Variants in KIF1A observed in about 807,000 individuals in gnomAD.
KIF1A encodes the protein kinesin family member 1A, also known as kinesin-like protein KIF1A.
KIF1A carries 46 observed loss-of-function variants against 227.3 expected under a neutral mutation model. The observed-to-expected ratio is 0.20, with a 90% CI of 0.16 to 0.26. The LOEUF (loss-of-function observed/expected upper bound fraction) is 0.26. Among genes scored for constraint, KIF1A ranks in the 10% least tolerant of loss-of-function variants. The pLI, the probability that KIF1A is intolerant of heterozygous loss-of-function variation, is 1.00. For synonymous variants in KIF1A, 1,022 were observed against 1,012.8 expected (o/e 1.01, Z -0.17); for missense variants, 1,683 against 2,485.9 (o/e 0.68, Z 6.87).
At position 240,788,561 on chromosome 2, in the gene KIF1A, C is replaced by A. The variant is rs1347221285; in HGVS notation, c.184-331G>T. On this transcript the variant is annotated intron_variant, in intron 3 of 48. Coordinates refer to ENST00000498729, the MANE Select transcript of KIF1A (RefSeq NM_001244008.2). This position sits in a 1 kb window ranked among gnomAD's most constrained non-coding sequence, Gnocchi z 6.6. ...CCGTGACAAGCAGGGGTGACAAGAG[C>A]TGAGACTGGGGACAGGGTGCAAAGG... Among the ~76,000 whole-genome samples the A allele has an allele frequency of 6.6e-6, 1 of 152,084 alleles. No homozygotes were observed.
chr2:240,773,904 C>T (rs1043567242), intron 12 of KIF1A, among the ~76,000 whole-genome samples: 4 of 152,194 alleles, frequency 2.6e-5, no homozygotes, highest in African/African-American at 7.2e-5. Flanking sequence ...GTGTAAACTG[C>T]TTCGCCCAGC....
chr2:240,745,306 G>A (rs749892491), intron 32 of KIF1A, 121 bp downstream of exon 32: 54 of 800,672 alleles, frequency 6.7e-5, no homozygotes, highest in Middle Eastern at 2.5e-4. Flanking sequence ...TGGAGTTCCC[G>A]GTGCACAAGG....
intron 44 of KIF1A, 121 bp from the exon 45 acceptor site, chr2:240,721,159 A>G: frequency 7.6e-7 from 1 of 1,310,070 alleles, no homozygotes. Flanking sequence ...CACCCCTCCT[A>G]CCAGCAGCCT....
Position 240,719,192 on chromosome 2 carries a change from G to T in KIF1A, c.5028C>A (p.Ile1676=), listed in dbSNP as rs369233025. 19 of 1,604,280 alleles carry T rather than the reference G, an allele frequency of 1.2e-5. No homozygotes were observed. Among genetic ancestry groups the T allele is most frequent in the Non-Finnish European group, 1.6e-5 (19 of 1,175,084 alleles). ...AGTGCAGGTACCCCTTCTTGGAAAC[G>T]ATCGGGCTGAAGGCAGAGAGAGCTG... ...PDIQEIRVSP[I]VSKKGYLHFL... Residue 1676 remains isoleucine, a synonymous_variant, in exon 47 of 49, where the codon ATC becomes ATA. Transcript: ENST00000498729.
intron 1 of KIF1A, among the ~76,000 whole-genome samples, chr2:240,819,799 G>A (rs1435888752): frequency 6.6e-6 from 1 of 152,218 alleles, no homozygotes; most frequent in South Asian, 2.1e-4. Context: ...CGCCGGCCGG[G>A]CGAGCCCTCC....
rs745640373 is a variant in KIF1A at position 240,747,277 on chromosome 2, C to T, written c.3022G>A (p.Gly1008Arg). ...TCATCAAAGGAGATTTTAGCAGTTCCCGACTGGCGGACGCCAGAGCCATAA... is the reference window on the plus strand; with the variant it reads ...TCATCAAAGGAGATTTTAGCAGTTCTCGACTGGCGGACGCCAGAGCCATAA... ...PDYGSGVRQSGTAKISFDDQH... is the reference protein window; with the variant it reads ...PDYGSGVRQSRTAKISFDDQH... Residue 1008 changes from glycine (G) to arginine (R), a missense_variant, in exon 29 of 49, where the codon GGA (glycine) becomes AGA (arginine). Physicochemically the swap from Gly to Arg is moderately radical, Grantham distance 125 (BLOSUM62 -2). Coordinates refer to ENST00000498729, the MANE Select transcript of KIF1A (RefSeq NM_001244008.2). 1 of 1,613,568 alleles carries T rather than the reference C, an allele frequency of 6.2e-7. No individual in the cohort carries two copies. Among genetic ancestry groups the T allele is most frequent in the African/African-American group, 1.3e-5 (1 of 75,022 alleles).
At chr2:240,760,981 C>A in intron 24 of KIF1A, 138 bp from the exon 25 acceptor site, 1 of 940,260 alleles carries the variant, frequency 1.1e-6, no homozygotes. Flanking sequence ...CAGACAGCCG[C>A]CAGGGGGGAC....
intron 2 of KIF1A, among the ~76,000 whole-genome samples, chr2:240,795,130 G>A (rs560741652): frequency 6.6e-6 from 1 of 152,158 alleles, no homozygotes; most frequent in Non-Finnish European, 1.5e-5. Flanking sequence ...AGAAGGGGAG[G>A]TTCCTTCAGG....
chr2:240,724,182 C>T (rs1268180810), intron 40 of KIF1A, 146 bp from the exon 41 acceptor site: 1 of 727,058 alleles, frequency 1.4e-6, no homozygotes, highest in Non-Finnish European at 2.5e-6. Flanking sequence ...AGCTACAGCC[C>T]CTGTTCAGAG....
intron 19 of KIF1A, 85 bp from the exon 20 acceptor site, chr2:240,765,878 GGCCTCTTCCAAGCCTCTC>G: frequency 1.1e-6 from 1 of 940,158 alleles, no homozygotes; most frequent in Non-Finnish European, 1.7e-6. Flanking sequence ...CCCCGGGCAT[GGCCTCTTCCAAGCCTCTC>G]GCCTCTCTTT....
At position 240,778,003 on chromosome 2, in the gene KIF1A, G is replaced by A. The variant is rs144517648; in HGVS notation, c.883-2077C>T. On this transcript the variant is annotated intron_variant, in intron 10 of 48. Transcript: ENST00000498729. The surrounding 1 kb of genome is among the most constrained non-coding windows in gnomAD (Gnocchi z 7.2). ...CTCAGTCCCTCAAGGAGCTCTCGCCGTTCCCCGCACGGTTCCCACGCGGCT... is the reference window on the plus strand; with the variant it reads ...CTCAGTCCCTCAAGGAGCTCTCGCCATTCCCCGCACGGTTCCCACGCGGCT... 8.4e-4 allele frequency among the ~76,000 whole-genome samples: 128 copies of A among 152,220 alleles called. No homozygotes were observed. Among genetic ancestry groups the A allele is most frequent in the Admixed American group, 2.4e-3 (36 of 15,300 alleles).
Position 240,746,168 on chromosome 2 carries a change from C to G in KIF1A, c.3073G>C (p.Glu1025Gln). 6.4e-7 allele frequency: 1 copy of G among 1,563,104 alleles called. No homozygotes were observed. The change falls in exon 30 of 49, where the codon GAG becomes CAG. Residue 1025 changes from glutamate (E) to glutamine (Q), a missense_variant. By Grantham distance (29) the Glu-to-Gln change is conservative (BLOSUM62 2). This residue lies in a region of KIF1A where 759 missense variants were observed against 1,020.2 expected (regional missense o/e 0.74). Coordinates refer to ENST00000498729, the MANE Select transcript of KIF1A (RefSeq NM_001244008.2). ...DDQHFEKFQS[E>Q]SCPVVGMSRS... ...GACATCCCCACCACGGGGCAAGACT[C>G]GGACTGGAACTGATCAGAGGGGGAC...
chr2:240,718,974 G>C (rs2044917386), intron 47 of KIF1A, 32 bp downstream of exon 47: 2 of 1,563,716 alleles, frequency 1.3e-6, no homozygotes, highest in East Asian at 4.5e-5. Flanking sequence ...TAGGGTTCCT[G>C]GTGCCCGAGC....
At chr2:240,800,485 G>T (rs920532357) in intron 1 of KIF1A, among the ~76,000 whole-genome samples, 10 of 152,174 alleles carry the variant, frequency 6.6e-5, no homozygotes, top group East Asian at 3.9e-4. Flanking sequence ...GCTGGCCTCC[G>T]CAGCACAGCC....
rs377722824 is a variant in KIF1A, at chr2:240,783,033, G to C, written c.864+11C>G. ...GGGTTCTGGCTATGGAAGCCGGGCCGGGCCACTCACCATTTCAGCCAGGGC... is the reference window on the plus strand; with the variant it reads ...GGGTTCTGGCTATGGAAGCCGGGCCCGGCCACTCACCATTTCAGCCAGGGC... On this transcript the variant is annotated intron_variant, in intron 9 of 48. Coordinates refer to ENST00000498729, the MANE Select transcript of KIF1A (RefSeq NM_001244008.2). 6.2e-7 allele frequency: 1 copy of C among 1,609,774 alleles called. No homozygotes were observed. Among genetic ancestry groups the C allele is most frequent in the Non-Finnish European group, 8.5e-7 (1 of 1,176,456 alleles).
chr2:240,794,760 G>A (rs1024795202), intron 2 of KIF1A, among the ~76,000 whole-genome samples: 3 of 152,214 alleles, frequency 2.0e-5, no homozygotes, highest in Non-Finnish European at 4.4e-5. Context: ...TCCCCAGCAA[G>A]CGGCCTGGGT....
Position 240,721,003 on chromosome 2 carries a change from C to G in KIF1A, c.4779G>C (p.Pro1593=). ...SEMSVTLLRD[P]SMSPLGVATL... is the part of the protein sequence containing the mutation. ...TGGCCACCCCTAGAGGGGACATCGACGGGTCCCGGAGCAGGGTGACAGACA... is the reference window on the plus strand; with the variant it reads ...TGGCCACCCCTAGAGGGGACATCGAGGGGTCCCGGAGCAGGGTGACAGACA... The change falls in exon 45 of 49, where the codon CCG becomes CCC. Residue 1593 remains proline, a synonymous_variant. Transcript: ENST00000498729. 6.2e-7 allele frequency: 1 copy of G among 1,610,952 alleles called. No homozygotes were observed. Among genetic ancestry groups the G allele is most frequent in the Non-Finnish European group, 8.5e-7 (1 of 1,179,152 alleles).
At position 240,746,134 on chromosome 2, in the gene KIF1A, C is replaced by T. The variant is rs1450273118; in HGVS notation, c.3107G>A (p.Gly1036Glu). The change falls in exon 30 of 49, where the codon GGA (glycine) becomes GAA (glutamate). Residue 1036 changes from glycine (G) to glutamate (E), a missense_variant. Coordinates refer to ENST00000498729, the MANE Select transcript of KIF1A (RefSeq NM_001244008.2). ...GATGCGAAGCTCTTCCTGGGAGGTT[C>T]CCGAGCGGGACATCCCCACCACGGG... ...SCPVVGMSRS[G>E]TSQEELRIVE... The T allele has an allele frequency of 1.3e-6, 2 of 1,571,188 alleles. No homozygotes were observed. Among genetic ancestry groups the T allele is most frequent in the South Asian group, 1.2e-5 (1 of 85,444 alleles).
At position 240,789,738 on chromosome 2, in the gene KIF1A, G is replaced by T. The variant is rs1413260319; in HGVS notation, c.107-426C>A. ...GGCTCAGCGTGCACGTGCCCGAGAAGCGCTGGAAGCCTGGGCGTCCATCAC... is the reference window on the plus strand; with the variant it reads ...GGCTCAGCGTGCACGTGCCCGAGAATCGCTGGAAGCCTGGGCGTCCATCAC... On this transcript the variant is annotated intron_variant, in intron 2 of 48. Coordinates refer to ENST00000498729, the MANE Select transcript of KIF1A (RefSeq NM_001244008.2). This position sits in a 1 kb window ranked among gnomAD's most constrained non-coding sequence, Gnocchi z 4.8. Among the ~76,000 whole-genome samples, 1 of 152,150 alleles carries T rather than the reference G, an allele frequency of 6.6e-6. No individual in the cohort carries two copies. Among genetic ancestry groups the T allele is most frequent in the African/African-American group, 2.4e-5 (1 of 41,430 alleles).
Sources: allele counts gnomAD v4.1 joint callset (sites outside exome capture counted in the v4.1 genomes callset), GRCh38; gene constraint gnomAD v4.1.1; regional missense constraint gnomAD v4.1.1; non-coding constraint Gnocchi (gnomAD v3.1); transcripts MANE v1.5; gene names NCBI Gene and HGNC (gene_info 2026-07-23, HGNC 2026-07-21).